The following MAGI1 variants were observed in gnomAD, a reference collection of about 807,000 sequenced individuals.
MAGI1 encodes membrane associated guanylate kinase, WW and PDZ domain containing 1, also known as membrane-associated guanylate kinase, WW and PDZ domain-containing protein 1.
A neutral mutation model predicts 139.9 loss-of-function variants in MAGI1; 58 were observed. That is an observed-to-expected ratio of 0.41 (90% CI 0.34 to 0.52). The LOEUF (loss-of-function observed/expected upper bound fraction) is 0.52, where lower values mean the gene tolerates loss of function less well. Among genes scored for constraint, MAGI1 ranks in the 20% least tolerant of loss-of-function variants. The probability of loss-of-function intolerance (pLI) is 0.12; values close to 1 mark genes in which losing one functional copy is unlikely to be tolerated. For synonymous variants in MAGI1, 812 were observed against 737.9 expected (o/e 1.10, Z -1.63); for missense variants, 1,874 against 1,901.6 (o/e 0.99, Z 0.27).
At chr3:65,799,153 A>G (rs12634639) in intron 1 of MAGI1, among the ~76,000 whole-genome samples, 43,372 of 152,126 alleles carry the variant, frequency 0.29, 6,649 homozygotes, top group Admixed American at 0.41. Context: ...TGAGCTCTAT[A>G]GTATTCTATC....
chr3:65,674,873 C>G (rs972980974), intron 1 of MAGI1, among the ~76,000 whole-genome samples: 1 of 152,184 alleles, frequency 6.6e-6, no homozygotes, highest in African/African-American at 2.4e-5. Context: ...TGCAGCCCAA[C>G]AGATGCATTT....
rs534479906 is a variant in MAGI1, at chr3:65,830,327, G to GA, written c.313+207668dup. 4.5e-3 allele frequency among the ~76,000 whole-genome samples: 634 copies of GA among 140,058 alleles called. 3 individuals are homozygous for GA. The highest frequency in any genetic ancestry group is 0.014 in the African/African-American group (530 of 38,458). The allele number at this position is 140,058 out of a possible 152,430, so 91.9% of individuals were successfully genotyped here. On this transcript the variant is annotated intron_variant, in intron 1 of 22. Coordinates refer to ENST00000402939, the MANE Select transcript of MAGI1 (RefSeq NM_001033057.2). ...GGAAAATCTTATAAAAGGAGAGAGA[G>GA]AAAAAAAAAAACACAGAGAGAGAGA...
chr3:65,668,997 G>A lies in MAGI1; in HGVS notation c.314-46909C>T, dbSNP rs1455743612. ...GCCCAGGCTGGAGTGCAGTGCAGGG[G>A]CACAATCTCGGCTCACTGCAACCTC... is the stretch of plus-strand genomic sequence containing the variant. On this transcript the variant is annotated intron_variant, in intron 1 of 22. Transcript: ENST00000402939. 2.0e-5 allele frequency among the ~76,000 whole-genome samples: 3 copies of A among 152,086 alleles called. No individual in the cohort carries two copies. The East Asian group carries it at 5.8e-4, about 29-fold the overall frequency.
chr3:65,911,292 G>GT (rs1320879903), intron 1 of MAGI1, among the ~76,000 whole-genome samples: 1 of 151,792 alleles, frequency 6.6e-6, no homozygotes, highest in African/African-American at 2.4e-5. Flanking sequence ...ACATTTGAAC[G>GT]TTTGTCCATG....
chr3:65,982,623 G>C (rs564519747), intron 1 of MAGI1, among the ~76,000 whole-genome samples: 1 of 152,280 alleles, frequency 6.6e-6, no homozygotes, highest in African/African-American at 2.4e-5. Flanking sequence ...GACAATTATG[G>C]TCTCATAAAA....
At chr3:65,652,730 T>G (rs911496051) in intron 1 of MAGI1, among the ~76,000 whole-genome samples, 2 of 152,120 alleles carry the variant, frequency 1.3e-5, no homozygotes, top group African/African-American at 2.4e-5. Context: ...TCACCTGAGT[T>G]TTAGTAGGTT....
chr3:65,671,068 T>C (rs2086828228), intron 1 of MAGI1, among the ~76,000 whole-genome samples: 1 of 152,208 alleles, frequency 6.6e-6, no homozygotes, highest in Non-Finnish European at 1.5e-5. Flanking sequence ...AGCCATGCAA[T>C]TCTTCTAAGC....
intron 12 of MAGI1, among the ~76,000 whole-genome samples, chr3:65,428,558 T>G (rs978706658): frequency 3.9e-5 from 6 of 152,128 alleles, no homozygotes; most frequent in African/African-American, 1.4e-4. Flanking sequence ...CTCTTGTTTC[T>G]GCCAAATAGA....
chr3:65,401,681 G>A (rs1373683454), intron 12 of MAGI1: 3 of 1,542,664 alleles, frequency 1.9e-6, no homozygotes, highest in African/African-American at 2.7e-5. Context: ...AGATCTATCT[G>A]CATTAGCTAT....
intron 2 of MAGI1, among the ~76,000 whole-genome samples, chr3:65,576,632 A>G (rs2081191301): frequency 2.6e-5 from 4 of 152,186 alleles, no homozygotes; most frequent in African/African-American, 9.7e-5. Flanking sequence ...TTGTACTGCT[A>G]TCTGCATTTT....
intron 1 of MAGI1, among the ~76,000 whole-genome samples, chr3:65,840,551 G>C (rs1387970835): frequency 6.6e-6 from 1 of 152,090 alleles, no homozygotes; most frequent in African/African-American, 2.4e-5. Context: ...CTGTCAATAA[G>C]GTGAATTACC....
At chr3:65,849,992 T>A (rs2059148973) in intron 1 of MAGI1, among the ~76,000 whole-genome samples, 1 of 152,202 alleles carries the variant, frequency 6.6e-6, no homozygotes, top group Non-Finnish European at 1.5e-5. Flanking sequence ...AGAATATGTA[T>A]CTGAAATTAA....
intron 1 of MAGI1, among the ~76,000 whole-genome samples, chr3:66,022,099 T>A (rs2067998230): frequency 6.6e-6 from 1 of 152,188 alleles, no homozygotes. Flanking sequence ...ACCCCATGGA[T>A]AAGCTCCTTC....
intron 2 of MAGI1, chr3:65,498,919 A>G: frequency 1.3e-6 from 1 of 769,976 alleles, no homozygotes; most frequent in Non-Finnish European, 1.6e-6. Flanking sequence ...ACAGCTCTCA[A>G]CCATGAGAAT....
intron 2 of MAGI1, among the ~76,000 whole-genome samples, chr3:65,537,361 T>G (rs549473227): frequency 3.3e-5 from 5 of 152,328 alleles, no homozygotes; most frequent in African/African-American, 1.2e-4. Flanking sequence ...CCCTTCTCCA[T>G]GTTCCCTTTC....
At chr3:65,866,980 G>C (rs1296628681) in intron 1 of MAGI1, among the ~76,000 whole-genome samples, 1 of 152,144 alleles carries the variant, frequency 6.6e-6, no homozygotes, top group East Asian at 1.9e-4. Context: ...CCTAGCTTCA[G>C]ATCTTTTTAA....
intron 18 of MAGI1, among the ~76,000 whole-genome samples, chr3:65,373,746 G>T (rs1942221957): frequency 6.6e-6 from 1 of 152,136 alleles, no homozygotes; most frequent in African/African-American, 2.4e-5. Context: ...CAGCTTTCCA[G>T]AGTGGTGAAT....
At chr3:65,399,917 C>A (rs1257690541) in intron 13 of MAGI1, among the ~76,000 whole-genome samples, 2 of 152,186 alleles carry the variant, frequency 1.3e-5, no homozygotes, top group African/African-American at 4.8e-5. Context: ...CTGTGCAAAA[C>A]TACTATGTCT....
intron 21 of MAGI1, 58 bp from the exon 22 acceptor site, chr3:65,361,395 T>C: frequency 2.5e-6 from 4 of 1,579,574 alleles, no homozygotes; most frequent in African/African-American, 1.3e-5. Context: ...ATTCACCAAA[T>C]GTTTATTAAG....
Sources: gnomAD v4.1 joint callset for allele counts (sites outside exome capture counted in the v4.1 genomes callset) on GRCh38, gnomAD v4.1.1 for gene constraint, MANE v1.5 for transcripts, NCBI Gene and HGNC (gene_info 2026-07-23, HGNC 2026-07-21) for gene names.